PARS2: variants seen among roughly 807,000 people sequenced by gnomAD.
PARS2 encodes the protein probable proline--tRNA ligase, mitochondrial.
A neutral mutation model predicts 27.4 loss-of-function variants in PARS2; 20 were observed. That is an observed-to-expected ratio of 0.73 (90% confidence interval 0.51 to 1.06). PARS2 has a LOEUF of 1.06. Ranked by LOEUF, PARS2 falls within the 50% of genes least tolerant of loss-of-function variation. The pLI is 0.00. For synonymous variants in PARS2, 240 were observed against 247.1 expected (o/e 0.97, Z 0.27); for missense variants, 585 against 602.1 (o/e 0.97, Z 0.30).
In PARS2 at chr1:54,759,220, G is replaced by A; in HGVS notation, c.-29-30C>T. 2.2e-6 allele frequency: 3 copies of A among 1,370,410 alleles called. No homozygotes were observed. In the South Asian group the frequency reaches 4.3e-5, roughly 20 times the overall value. 84.9% of individuals were successfully genotyped at this position (1,370,410 alleles called of 1,614,324 possible). Reference sequence around the variant, plus strand: ...GGAAAAATGAGTTGTGTGAGAATGAGCCTCATCCGTGTTCCAACACCATGA... The same window carrying A: ...GGAAAAATGAGTTGTGTGAGAATGAACCTCATCCGTGTTCCAACACCATGA... On this transcript the variant is annotated intron_variant, in intron 1 of 1. Transcript: ENST00000371279.
At chr1:54,762,008 T>TAA (rs1343760279) in intron 1 of PARS2, among the ~76,000 whole-genome samples, 2 of 152,238 alleles carry the variant, frequency 1.3e-5, no homozygotes, top group Admixed American at 6.5e-5. Context: ...AGGTTTCCCT[T>TAA]AAGTCCACCC....
Position 54,758,884 on chromosome 1 carries a change from T to C in PARS2, c.278A>G (p.Tyr93Cys). Residue 93 changes from tyrosine to cysteine, a missense_variant, in exon 2 of 2, where the codon TAT becomes TGT. By Grantham distance (194) the Tyr-to-Cys change is radical. Coordinates refer to ENST00000371279, the MANE Select transcript of PARS2 (RefSeq NM_152268.4). ...ASPGCYHLLPYTVRAMEKLVR... is the reference protein window; with the variant it reads ...ASPGCYHLLPCTVRAMEKLVR... Reference sequence around the variant, plus strand: ...GAGCTTCTCCATGGCACGGACGGTATATGGCAGGAGGTGGTAACAGCCGGG... The same window carrying C: ...GAGCTTCTCCATGGCACGGACGGTACATGGCAGGAGGTGGTAACAGCCGGG... 3.1e-6 allele frequency: 5 copies of C among 1,614,146 alleles called. No individual in the cohort carries two copies. Among genetic ancestry groups the C allele is most frequent in the Non-Finnish European group, 4.2e-6 (5 of 1,180,022 alleles).
At chr1:54,762,641 G>T (rs1047818612) in intron 1 of PARS2, among the ~76,000 whole-genome samples, 7 of 152,236 alleles carry the variant, frequency 4.6e-5, no homozygotes, top group Non-Finnish European at 7.3e-5. Flanking sequence ...CCATGAAGAC[G>T]ACAGCTATGT....
intron 1 of PARS2, among the ~76,000 whole-genome samples, chr1:54,764,160 G>A (rs538784548): frequency 7.8e-4 from 119 of 152,332 alleles, no homozygotes; most frequent in South Asian, 4.8e-3. Context: ...AAAACGGGAA[G>A]GCTGGCTCAG....
intron 1 of PARS2, among the ~76,000 whole-genome samples, chr1:54,763,141 G>T (rs1166896929): frequency 6.6e-6 from 1 of 152,044 alleles, no homozygotes; most frequent in Non-Finnish European, 1.5e-5. Context: ...ATTCCAACTG[G>T]AATTCAAGGT....
At chr1:54,761,251 G>C (rs1404440151) in intron 1 of PARS2, among the ~76,000 whole-genome samples, 1 of 152,110 alleles carries the variant, frequency 6.6e-6, no homozygotes, top group Admixed American at 6.6e-5. Context: ...TAGCCCACTT[G>C]TCTCCTAGGG....
intron 1 of PARS2, 22 bp from the exon 2 acceptor site, chr1:54,759,212 G>A: frequency 7.0e-7 from 1 of 1,424,996 alleles, no homozygotes; most frequent in Non-Finnish European, 9.5e-7. Flanking sequence ...TGAGTTGTGT[G>A]AGAATGAGCC....
Position 54,763,351 on chromosome 1 carries a change from G to A in PARS2, c.-30+1110C>T, listed in dbSNP as rs542633162. Among the ~76,000 whole-genome samples, 9 of 152,218 alleles carry A rather than the reference G, an allele frequency of 5.9e-5. No homozygotes were observed. In the South Asian group the frequency reaches 1.5e-3, roughly 25 times the overall value. On this transcript the variant is annotated intron_variant, in intron 1 of 1. Coordinates refer to ENST00000371279, the MANE Select transcript of PARS2 (RefSeq NM_152268.4). ...TTTTTCTTTCTGGGGGTGTGTACGGGGGCCAGGAGGGGAGGTCAGTGTCGA... is the reference window on the plus strand; with the variant it reads ...TTTTTCTTTCTGGGGGTGTGTACGGAGGCCAGGAGGGGAGGTCAGTGTCGA...
rs779136622 is a variant in PARS2 at position 54,758,143 on chromosome 1, T to C, written c.1019A>G (p.Tyr340Cys). 26 of 1,614,080 alleles carry C rather than the reference T, an allele frequency of 1.6e-5. No homozygotes were observed. Among genetic ancestry groups the C allele is most frequent in the Non-Finnish European group, 2.1e-5 (25 of 1,180,040 alleles). Reference sequence around the variant, plus strand: ...CAAGATCCGTGTCACACCCAAGCCATAGCACCCCATTTCAGCCAGGGTTGG... The same window carrying C: ...CAAGATCCGTGTCACACCCAAGCCACAGCACCCCATTTCAGCCAGGGTTGG... ...GKPTLAEMGC[Y>C]GLGVTRILAA... Residue 340 changes from tyrosine to cysteine, a missense_variant, in exon 2 of 2, where the codon TAT becomes TGT. Transcript: ENST00000371279.
chr1:54,756,917 T>C lies in PARS2; in HGVS notation c.*817A>G, dbSNP rs187387881. 110 of 152,236 alleles carry C rather than the reference T, an allele frequency of 7.2e-4. No individual in the cohort carries two copies. The highest frequency in any genetic ancestry group is 2.4e-3 in the African/African-American group (101 of 41,564). 9.4% of individuals were successfully genotyped at this position (152,236 alleles called of 1,614,324 possible). A position where few individuals can be genotyped will look rare whatever the true frequency, so the allele number is the denominator to read the frequency against. ...GGCCCATTCCAATAGTTTGACTTTA[T>C]TAAATCAATAGAACGGGATCTCAGT... On this transcript the variant is annotated 3_prime_UTR_variant, in exon 2 of 2. Transcript: ENST00000371279.
rs1646173217 is a variant in PARS2, at chr1:54,764,188, G to A, written c.-30+273C>T. On this transcript the variant is annotated intron_variant, in intron 1 of 1. Coordinates refer to ENST00000371279, the MANE Select transcript of PARS2 (RefSeq NM_152268.4). ...TGGCTCAGGCAGCAGGTGGTCCCAGGGCCTTTCCAGAGCTGGCACTTCGAG... is the reference window on the plus strand; with the variant it reads ...TGGCTCAGGCAGCAGGTGGTCCCAGAGCCTTTCCAGAGCTGGCACTTCGAG... 2.0e-5 allele frequency among the ~76,000 whole-genome samples: 3 copies of A among 152,332 alleles called. No individual in the cohort carries two copies. In the South Asian group the frequency reaches 6.2e-4, roughly 32 times the overall value.
intron 1 of PARS2, among the ~76,000 whole-genome samples, chr1:54,762,141 T>A (rs972194695): frequency 6.6e-6 from 1 of 151,266 alleles, no homozygotes; most frequent in African/African-American, 2.4e-5. Flanking sequence ...GGCTTGTTTT[T>A]TTTTTTTTTT....
At chr1:54,763,162 C>T (rs571608492) in intron 1 of PARS2, among the ~76,000 whole-genome samples, 16 of 152,278 alleles carry the variant, frequency 1.1e-4, no homozygotes, top group Non-Finnish European at 1.8e-4. Context: ...TCACTTACTC[C>T]AAGAAACTTT....
rs775767394 is a variant in PARS2, at chr1:54,757,966, TCTGTGATGTGGTCGTACAG to T, written c.1177_1195del (p.Leu393ArgfsTer18). 8.7e-6 allele frequency: 14 copies of T among 1,614,156 alleles called. No homozygotes were observed. The highest frequency in any genetic ancestry group is 1.2e-5 in the Non-Finnish European group (14 of 1,180,018). ...CTCCCCGTGAAGCTGAGGCACTGCC[TCTGTGATGTGGTCGTACAG>T]CTGCCCTATGAGCTCGGAGGCCGCC... On this transcript the variant is annotated frameshift_variant, in exon 2 of 2. Transcript: ENST00000371279. LOFTEE classifies it high-confidence loss of function.
Position 54,757,713 on chromosome 1 carries a change from GC to G in PARS2, c.*20del. On this transcript the variant is annotated 3_prime_UTR_variant, in exon 2 of 2. Transcript: ENST00000371279. ...ACGAACACCAAGGCTGCAAATGGGG[GC>G]AGGGGTGGGCTGGGGGCATTTAGAC... 1 of 1,523,614 alleles carries G rather than the reference GC, an allele frequency of 6.6e-7. No homozygotes were observed. The highest frequency in any genetic ancestry group is 9.0e-7 in the Non-Finnish European group (1 of 1,111,570). The allele number at this position is 1,523,614 out of a possible 1,614,324, so 94.4% of individuals were successfully genotyped here. A position where few individuals can be genotyped will look rare whatever the true frequency, so the allele number is the denominator to read the frequency against.
chr1:54,759,175 C>A lies in PARS2; in HGVS notation c.-14G>T. 6.4e-7 allele frequency: 1 copy of A among 1,563,656 alleles called. No homozygotes were observed. Among genetic ancestry groups the A allele is most frequent in the South Asian group, 1.2e-5 (1 of 84,618 alleles). ...CAGCCCTTCCATGACACCCTGGCAC[C>A]GGGAAGCACAGGCACCTGAGGAAAA... is the stretch of plus-strand genomic sequence containing the variant. On this transcript the variant is annotated 5_prime_UTR_variant, in exon 2 of 2. Coordinates refer to ENST00000371279, the MANE Select transcript of PARS2 (RefSeq NM_152268.4).
chr1:54,761,570 G>C lies in PARS2; in HGVS notation c.-29-2380C>G, dbSNP rs531358057. Among the ~76,000 whole-genome samples the C allele has an allele frequency of 1.8e-4, 27 of 152,276 alleles. 1 individual carries two copies. Among genetic ancestry groups the C allele is most frequent in the Non-Finnish European group, 3.2e-4 (22 of 68,028 alleles). On this transcript the variant is annotated intron_variant, in intron 1 of 1. Transcript: ENST00000371279. ...GAAGAATGGAATTACTGAATCAAAG[G>C]CTATAAATTCTTTTGAGACTTTTTA... is the stretch of plus-strand genomic sequence containing the variant.
intron 1 of PARS2, among the ~76,000 whole-genome samples, chr1:54,761,485 G>T (rs894502504): frequency 1.3e-5 from 2 of 152,166 alleles, no homozygotes; most frequent in African/African-American, 4.8e-5. Flanking sequence ...GGTTTTCTCT[G>T]TTATACATAA....
chr1:54,758,201 A>C lies in PARS2; in HGVS notation c.961T>G (p.Phe321Val). The C allele has an allele frequency of 1.2e-6, 2 of 1,614,214 alleles. No homozygotes were observed. The highest frequency in any genetic ancestry group is 1.7e-6 in the Non-Finnish European group (2 of 1,180,030). Residue 321 changes from phenylalanine to valine, a missense_variant, in exon 2 of 2, where the codon TTC becomes GTC. Phe to Val is a conservative substitution (Grantham distance 50). Transcript: ENST00000371279. ...CAGACATTGGTAAACTGGGCATTGA[A>C]AATGGATGAGTACTTGGTACCCAGG... is the stretch of plus-strand genomic sequence containing the variant. ...FYLGTKYSSI[F>V]NAQFTNVCGK... is the part of the protein sequence containing the mutation.
Sources: gnomAD v4.1 joint callset for allele counts (sites outside exome capture counted in the v4.1 genomes callset) on GRCh38, gnomAD v4.1.1 for gene constraint, MANE v1.5 for transcripts, NCBI Gene and HGNC (gene_info 2026-07-23, HGNC 2026-07-21) for gene names.